Variants in LRP8 observed in about 807,000 individuals in gnomAD.
The protein encoded by LRP8 is LDL receptor related protein 8, also known as low-density lipoprotein receptor-related protein 8.
Under a neutral mutation model 111.6 loss-of-function variants are expected in LRP8, and 46 were observed. The observed-to-expected ratio is 0.41, with a 90% CI of 0.33 to 0.53. The LOEUF (loss-of-function observed/expected upper bound fraction) is 0.53, where lower values mean the gene tolerates loss of function less well. Among genes scored for constraint, LRP8 ranks in the 20% least tolerant of loss-of-function variants. LRP8 has a pLI of 0.20. For missense variants in LRP8, 959 were observed against 1,297.4 expected (o/e 0.74, Z 4.01); for synonymous variants, 464 against 511.2 (o/e 0.91, Z 1.24).
Position 53,303,815 on chromosome 1 carries a change from G to A in LRP8, c.245-14126C>T, listed in dbSNP as rs1306129455. 6.6e-6 allele frequency among the ~76,000 whole-genome samples: 1 copy of A among 152,218 alleles called. No homozygotes were observed. The highest frequency in any genetic ancestry group is 1.5e-5 in the Non-Finnish European group (1 of 68,042). ...CTGACATATGGCCATTCGCCCTCTT[G>A]AATGCTCTCAGCGACAGGGGACTCA... On this transcript the variant is annotated intron_variant, in intron 2 of 18. Coordinates refer to ENST00000306052, the MANE Select transcript of LRP8 (RefSeq NM_004631.5). The surrounding 1 kb of genome is among the most constrained non-coding windows in gnomAD (Gnocchi z 4.3).
At chr1:53,290,622 G>A (rs193154983) in intron 2 of LRP8, among the ~76,000 whole-genome samples, 16 of 152,266 alleles carry the variant, frequency 1.1e-4, no homozygotes, top group South Asian at 2.1e-4. Context: ...TCCCCAGCCC[G>A]GTTCTTTACT....
intron 2 of LRP8, among the ~76,000 whole-genome samples, chr1:53,313,418 C>T (rs906420733): frequency 2.6e-5 from 4 of 152,124 alleles, no homozygotes; most frequent in African/African-American, 9.7e-5. Context: ...CCAGAGGCAC[C>T]CTCCACCCCT....
chr1:53,306,357 T>C (rs1193831207), intron 2 of LRP8, among the ~76,000 whole-genome samples: 2 of 152,220 alleles, frequency 1.3e-5, no homozygotes, highest in South Asian at 2.1e-4. Context: ...TCTGTTCTAG[T>C]GCTGTCTAGC....
intron 6 of LRP8, among the ~76,000 whole-genome samples, chr1:53,272,279 C>G (rs754575235): frequency 1.3e-5 from 2 of 152,192 alleles, no homozygotes; most frequent in Non-Finnish European, 2.9e-5. Flanking sequence ...TCATCTGGTT[C>G]TGGTTCCCCA....
intron 2 of LRP8, among the ~76,000 whole-genome samples, chr1:53,318,787 T>TA (rs34361465): frequency 0.096 from 14,050 of 146,942 alleles, 1,677 homozygotes; most frequent in African/African-American, 0.28. Context: ...TCATTTTTGT[T>TA]AAAAAAAAAA....
In LRP8 at chr1:53,250,725, C is replaced by T. The variant is rs774541014; in HGVS notation, c.2641G>A (p.Gly881Arg). The T allele has an allele frequency of 6.2e-7, 1 of 1,614,062 alleles. No individual in the cohort carries two copies. The highest frequency in any genetic ancestry group is 1.7e-5 in the Admixed American group (1 of 60,024). Residue 881 changes from glycine (G) to arginine (R), a missense_variant, in exon 17 of 19, where the codon GGG (glycine) becomes AGG (arginine). Around this residue, in one of 3 missense-constraint regions of LRP8, gnomAD observed 819 missense variants for 1,097.6 expected, o/e 0.75. Transcript: ENST00000306052. This position sits in a 1 kb window ranked among gnomAD's most constrained non-coding sequence, Gnocchi z 4.6. ...ACATGGCCAATCTGAGCAGTTCTCC[C>T]TATATGGAGCTCATCTTCGTCTTCT... ...EEEDEDELHI[G>R]RTAQIGHVYP... is the part of the protein sequence containing the mutation.
In LRP8 at chr1:53,242,423, A is replaced by G. The variant is rs1645658735; in HGVS notation, c.*4595T>C. 6.6e-6 allele frequency: 1 copy of G among 152,168 alleles called. No individual in the cohort carries two copies. Among genetic ancestry groups the G allele is most frequent in the African/African-American group, 2.4e-5 (1 of 41,436 alleles). 9.4% of individuals were successfully genotyped at this position (152,168 alleles called of 1,614,324 possible). ...CAGTGCACTGATTTTACAAATGTCC[A>G]CATTTGGTTTTCAGTTTACCAAGAT... On this transcript the variant is annotated 3_prime_UTR_variant, in exon 19 of 19. Transcript: ENST00000306052.
At chr1:53,307,768 C>G (rs1192223976) in intron 2 of LRP8, among the ~76,000 whole-genome samples, 1 of 152,220 alleles carries the variant, frequency 6.6e-6, no homozygotes, top group Non-Finnish European at 1.5e-5. Context: ...ATTTAATGCT[C>G]TAATTAATTT....
chr1:53,281,661 G>C (rs1647114276), intron 3 of LRP8, among the ~76,000 whole-genome samples: 1 of 152,188 alleles, frequency 6.6e-6, no homozygotes, highest in African/African-American at 2.4e-5. Context: ...TGGCTGCCTG[G>C]GTTCAAATCC....
chr1:53,310,990 G>A lies in LRP8; in HGVS notation c.244+15883C>T, dbSNP rs114920877. Among the ~76,000 whole-genome samples, 527 of 152,270 alleles carry A rather than the reference G, an allele frequency of 3.5e-3. 5 individuals carry two copies. The highest frequency in any genetic ancestry group is 0.012 in the African/African-American group (510 of 41,546). ...CAGCCCTGCACATGCTTCAGAGCCC[G>A]GAGGAAATGCAGGAGGCCCTATGCC... is the stretch of plus-strand genomic sequence containing the variant. On this transcript the variant is annotated intron_variant, in intron 2 of 18. Transcript: ENST00000306052.
chr1:53,295,341 T>A (rs1649500588), intron 2 of LRP8, among the ~76,000 whole-genome samples: 1 of 152,108 alleles, frequency 6.6e-6, no homozygotes, highest in Admixed American at 6.5e-5. Flanking sequence ...ACAAGGCAAG[T>A]GGCAAGGGAC....
intron 2 of LRP8, among the ~76,000 whole-genome samples, chr1:53,310,133 G>A (rs528941557): frequency 4.7e-4 from 72 of 152,238 alleles, no homozygotes; most frequent in African/African-American, 1.6e-3. Context: ...CTCACCTCTG[G>A]GACTACCCCA....
intron 2 of LRP8, among the ~76,000 whole-genome samples, chr1:53,318,518 C>T (rs1654093843): frequency 1.3e-5 from 2 of 152,204 alleles, no homozygotes; most frequent in Non-Finnish European, 2.9e-5. Context: ...CACTCAGCAG[C>T]TCCTTTCCTA....
At chr1:53,284,660 A>G (rs1009212983) in intron 3 of LRP8, among the ~76,000 whole-genome samples, 3 of 152,252 alleles carry the variant, frequency 2.0e-5, no homozygotes, top group African/African-American at 7.2e-5. Flanking sequence ...CCTTTCAGCA[A>G]GGACAATGAT....
Position 53,275,511 on chromosome 1 carries a change from C to A in LRP8, c.1006+120G>T, listed in dbSNP as rs1646889391. The stretch of plus-strand genomic sequence containing the variant: ...AGGTGATTTAGGGGCAAGTGATGCT[C>A]TGGGGGAAAATGCATCTTGGGGACC... On this transcript the variant is annotated intron_variant, in intron 6 of 18. Transcript: ENST00000306052. The surrounding 1 kb of genome is among the most constrained non-coding windows in gnomAD (Gnocchi z 4.4). 5 of 1,359,806 alleles carry A rather than the reference C, an allele frequency of 3.7e-6. No homozygotes were observed. In the South Asian group the frequency reaches 6.8e-5, roughly 18 times the overall value. 84.2% of individuals were successfully genotyped at this position (1,359,806 alleles called of 1,614,324 possible). A position where few individuals can be genotyped will look rare whatever the true frequency, so the allele number is the denominator to read the frequency against.
chr1:53,266,561 G>A lies in LRP8; in HGVS notation c.1339C>T (p.Pro447Ser). Residue 447 changes from proline (P) to serine (S), a missense_variant, in exon 9 of 19, where the codon CCC (proline) becomes TCC (serine). Coordinates refer to ENST00000306052, the MANE Select transcript of LRP8 (RefSeq NM_004631.5). The surrounding 1 kb of genome is among the most constrained non-coding windows in gnomAD (Gnocchi z 5.0). ...LVKRNYSRLI[P>S]MLKNVVALDV... ...AGTGCCACGACATTCTTGAGCATGG[G>A]GATGAGGCGTGAATAGTTCCGCTTC... is the stretch of plus-strand genomic sequence containing the variant. 1 of 1,614,174 alleles carries A rather than the reference G, an allele frequency of 6.2e-7. No individual in the cohort carries two copies. The highest frequency in any genetic ancestry group is 1.1e-5 in the South Asian group (1 of 91,082).
chr1:53,288,412 T>C (rs1208854785), intron 3 of LRP8: 1 of 152,018 alleles, frequency 6.6e-6, no homozygotes, highest in Non-Finnish European at 1.5e-5. Context: ...CAGGACGGCA[T>C]GGAGTTTGGC....
At chr1:53,312,203 A>G (rs939287268) in intron 2 of LRP8, among the ~76,000 whole-genome samples, 6 of 152,194 alleles carry the variant, frequency 3.9e-5, no homozygotes, top group African/African-American at 1.4e-4. Context: ...GAGGGAGGTC[A>G]CACAGCTGGG....
At position 53,242,858 on chromosome 1, in the gene LRP8, T is replaced by TATATATATATATATATACAC. The variant is rs56722919; in HGVS notation, c.*4159_*4160insGTGTATATATATATATATAT. 7.1e-6 allele frequency: 1 copy of TATATATATATATATATACAC among 140,572 alleles called. No individual in the cohort carries two copies. Among genetic ancestry groups the TATATATATATATATATACAC allele is most frequent in the African/African-American group, 2.7e-5 (1 of 37,526 alleles). 8.7% of individuals were successfully genotyped at this position (140,572 alleles called of 1,614,324 possible). On this transcript the variant is annotated 3_prime_UTR_variant, in exon 19 of 19. Coordinates refer to ENST00000306052, the MANE Select transcript of LRP8 (RefSeq NM_004631.5). ...TTAAATATATATATATATATATATA[T>TATATATATATATATATACAC]ACACACACACACACGTGGCTTTTTA...
Sources: gnomAD v4.1 joint callset for allele counts (sites outside exome capture counted in the v4.1 genomes callset) on GRCh38, gnomAD v4.1.1 for gene constraint, gnomAD v4.1.1 regional missense constraint, Gnocchi (gnomAD v3.1) non-coding constraint, MANE v1.5 for transcripts, NCBI Gene and HGNC (gene_info 2026-07-23, HGNC 2026-07-21) for gene names.